The following FHIT variants were observed in gnomAD, a reference collection of about 807,000 sequenced individuals.
The protein encoded by FHIT is bis(5'-adenosyl)-triphosphatase.
Under a neutral mutation model 17.9 loss-of-function variants are expected in FHIT, and 19 were observed. The observed-to-expected ratio is 1.06, with a 90% CI of 0.74 to 1.56. The LOEUF (loss-of-function observed/expected upper bound fraction) is 1.56, where lower values mean the gene tolerates loss of function less well. FHIT is among the 40% of genes most tolerant of loss of function. FHIT has a pLI of 0.00. For synonymous variants in FHIT, 81 were observed against 69.7 expected (o/e 1.16, Z -0.81); for missense variants, 248 against 189.2 (o/e 1.31, Z -1.82).
intron 3 of FHIT, among the ~76,000 whole-genome samples, chr3:60,985,794 A>G (rs1283576684): frequency 6.6e-6 from 1 of 152,218 alleles, no homozygotes; most frequent in African/African-American, 2.4e-5. Flanking sequence ...GTGGCTTAAA[A>G]CAACATAAAT....
chr3:60,703,274 T>C (rs1379589028), intron 4 of FHIT, among the ~76,000 whole-genome samples: 6 of 152,156 alleles, frequency 3.9e-5, no homozygotes, highest in Non-Finnish European at 5.9e-5. Context: ...CTTAGAGCCT[T>C]CAAAGGCAGG....
chr3:59,951,973 A>G (rs973456647), intron 7 of FHIT, among the ~76,000 whole-genome samples: 4 of 152,128 alleles, frequency 2.6e-5, no homozygotes, highest in African/African-American at 7.2e-5. Context: ...TCATGTTGAC[A>G]TCATGTGTGG....
intron 4 of FHIT, among the ~76,000 whole-genome samples, chr3:60,645,684 T>C (rs373825479): frequency 7.2e-5 from 11 of 152,270 alleles, no homozygotes; most frequent in East Asian, 5.8e-4. Context: ...ACTGAGACAA[T>C]AGACAATACA....
intron 2 of FHIT, among the ~76,000 whole-genome samples, chr3:61,196,957 T>A (rs1184841612): frequency 6.6e-6 from 1 of 152,144 alleles, no homozygotes; most frequent in Non-Finnish European, 1.5e-5. Flanking sequence ...GCCCAGAGAA[T>A]GCCTGCGATA....
chr3:60,933,904 C>A (rs1374402123), intron 3 of FHIT, among the ~76,000 whole-genome samples: 1 of 152,110 alleles, frequency 6.6e-6, no homozygotes, highest in Non-Finnish European at 1.5e-5. Flanking sequence ...TGAGCCAGCT[C>A]CCACTCTCCA....
chr3:60,391,346 G>A (rs760602147), intron 5 of FHIT, among the ~76,000 whole-genome samples: 3 of 152,126 alleles, frequency 2.0e-5, no homozygotes, highest in Admixed American at 6.5e-5. Flanking sequence ...AGCCCAGGCT[G>A]GTCTTAAGCT....
At chr3:60,108,111 C>T (rs72880882) in intron 5 of FHIT, among the ~76,000 whole-genome samples, 1,996 of 152,208 alleles carry the variant, frequency 0.013, 45 homozygotes, top group African/African-American at 0.045. Flanking sequence ...TTTATGGGTC[C>T]GGAAAGTGCT....
chr3:60,305,352 T>A (rs375860541), intron 5 of FHIT, among the ~76,000 whole-genome samples: 3 of 152,098 alleles, frequency 2.0e-5, no homozygotes, highest in African/African-American at 7.2e-5. Flanking sequence ...ATAAAATAGG[T>A]GTAGGGTGAG....
chr3:59,830,322 G>A (rs546840911), intron 8 of FHIT, among the ~76,000 whole-genome samples: 114 of 152,260 alleles, frequency 7.5e-4, no homozygotes, highest in African/African-American at 2.7e-3. Flanking sequence ...AAAGGAAAAA[G>A]GAGGAAAGTC....
chr3:60,018,854 T>C lies in FHIT; in HGVS notation c.104-4702A>G, dbSNP rs376561916. On this transcript the variant is annotated intron_variant, in intron 5 of 9. Coordinates refer to ENST00000492590, the MANE Select transcript of FHIT (RefSeq NM_002012.4). ...AAACAGCTGGGCATGGTGGCGGGCA[T>C]CTGTAATCCCAGCTACTCAGGAGGC... Among the ~76,000 whole-genome samples the C allele has an allele frequency of 3.2e-3, 483 of 151,970 alleles. 2 individuals are homozygous for C. The highest frequency in any genetic ancestry group is 0.014 in the Middle Eastern group (4 of 292).
intron 5 of FHIT, among the ~76,000 whole-genome samples, chr3:60,023,639 A>G (rs912744040): frequency 2.0e-5 from 3 of 152,218 alleles, no homozygotes; most frequent in Non-Finnish European, 4.4e-5. Flanking sequence ...AACTATAAAT[A>G]TGAAAGGAAA....
At chr3:59,762,909 A>G (rs904787144) in intron 8 of FHIT, among the ~76,000 whole-genome samples, 1 of 152,218 alleles carries the variant, frequency 6.6e-6, no homozygotes, top group Non-Finnish European at 1.5e-5. Flanking sequence ...CTCTGTTTCT[A>G]AAAACATGCT....
intron 5 of FHIT, among the ~76,000 whole-genome samples, chr3:60,049,619 T>C (rs989240279): frequency 1.3e-5 from 2 of 152,204 alleles, no homozygotes; most frequent in Non-Finnish European, 2.9e-5. Context: ...ATGTTGATGA[T>C]ATACTGAAAT....
chr3:60,314,500 G>A (rs996847633), intron 5 of FHIT, among the ~76,000 whole-genome samples: 1 of 152,158 alleles, frequency 6.6e-6, no homozygotes, highest in Non-Finnish European at 1.5e-5. Flanking sequence ...ACTGAGAAGA[G>A]AAGTATGATG....
chr3:60,845,236 T>A (rs918159113), intron 3 of FHIT, among the ~76,000 whole-genome samples: 1 of 152,042 alleles, frequency 6.6e-6, no homozygotes, highest in Non-Finnish European at 1.5e-5. Context: ...CTTAATCCAC[T>A]TTCTTAAAAA....
At chr3:60,513,172 G>C (rs1407310679) in intron 5 of FHIT, among the ~76,000 whole-genome samples, 1 of 152,180 alleles carries the variant, frequency 6.6e-6, no homozygotes, top group African/African-American at 2.4e-5. Context: ...CACAAAGGAA[G>C]TGTCTACAGA....
chr3:61,005,090 T>G (rs1474038285), intron 3 of FHIT, among the ~76,000 whole-genome samples: 4 of 152,142 alleles, frequency 2.6e-5, no homozygotes, highest in African/African-American at 9.7e-5. Flanking sequence ...ATATCCCATC[T>G]TATTTCATTC....
At chr3:60,416,445 G>C (rs191522131) in intron 5 of FHIT, among the ~76,000 whole-genome samples, 44 of 152,298 alleles carry the variant, frequency 2.9e-4, no homozygotes, top group African/African-American at 1.0e-3. Flanking sequence ...TTTAGAGTTT[G>C]TGAAACTTTT....
intron 8 of FHIT, among the ~76,000 whole-genome samples, chr3:59,876,943 A>G (rs1703191233): frequency 6.6e-6 from 1 of 152,208 alleles, no homozygotes; most frequent in Admixed American, 6.5e-5. Flanking sequence ...CTGAGGAGAC[A>G]TCTGTGAAAC....
Sources: gnomAD v4.1 joint callset for allele counts (sites outside exome capture counted in the v4.1 genomes callset) on GRCh38, gnomAD v4.1.1 for gene constraint, MANE v1.5 for transcripts, NCBI Gene and HGNC (gene_info 2026-07-23, HGNC 2026-07-21) for gene names.